Variants in ITPR2 observed in about 807,000 individuals in gnomAD.
ITPR2 encodes the protein inositol 1,4,5-trisphosphate receptor type 2, also known as inositol 1,4,5-trisphosphate-gated calcium channel ITPR2.
In ITPR2, 207 loss-of-function variants were observed where a neutral mutation model predicts 317.1. That is an observed-to-expected ratio of 0.65 (90% CI 0.58 to 0.73). ITPR2 has a LOEUF of 0.73. ITPR2 is among the 30% of genes least tolerant of loss of function. ITPR2 has a pLI of 0.00. For synonymous variants in ITPR2, 1,156 were observed against 1,149.1 expected, an observed-to-expected ratio of 1.01 and a Z score of -0.12; for missense variants, 2,613 against 3,284.0, an observed-to-expected ratio of 0.80 and a Z score of 4.99.
chr12:26,524,937 AT>A (rs1403102612), intron 37 of ITPR2, among the ~76,000 whole-genome samples: 1 of 152,236 alleles, frequency 6.6e-6, no homozygotes, highest in African/African-American at 2.4e-5. Flanking sequence ...AAAATTATTT[AT>A]AATTATGGAG....
At chr12:26,509,958 T>TTTTGTGTGTGTGTGTG (rs1247091708) in intron 37 of ITPR2, among the ~76,000 whole-genome samples, 3 of 53,262 alleles carry the variant, frequency 5.6e-5, no homozygotes, top group East Asian at 1.2e-3. Context: ...GATAAGGGTT[T>TTTTGTGTGTGTGTGTG]TGTGTGTGTG....
At chr12:26,760,373 C>T (rs186309720) in intron 2 of ITPR2, among the ~76,000 whole-genome samples, 94 of 152,180 alleles carry the variant, frequency 6.2e-4, no homozygotes, top group African/African-American at 2.1e-3. Context: ...TCTAAATAAA[C>T]CCAAGATGTC....
At chr12:26,545,384 G>A (rs1463454207) in intron 37 of ITPR2, among the ~76,000 whole-genome samples, 1 of 152,046 alleles carries the variant, frequency 6.6e-6, no homozygotes, top group African/African-American at 2.4e-5. Context: ...GGGAAGGGGG[G>A]CGGGAAATAG....
At chr12:26,428,811 T>A (rs1394785792) in intron 48 of ITPR2, among the ~76,000 whole-genome samples, 1 of 152,238 alleles carries the variant, frequency 6.6e-6, no homozygotes, top group Non-Finnish European at 1.5e-5. Flanking sequence ...ACATTTGCAC[T>A]GACATGTGCA....
chr12:26,830,963 A>G (rs1227134947), intron 1 of ITPR2, among the ~76,000 whole-genome samples: 1 of 152,190 alleles, frequency 6.6e-6, no homozygotes, highest in Non-Finnish European at 1.5e-5. Flanking sequence ...AGGGGCACAG[A>G]GTTTATGTAA....
chr12:26,575,878 C>A (rs1400051645), intron 34 of ITPR2, among the ~76,000 whole-genome samples: 2 of 152,278 alleles, frequency 1.3e-5, no homozygotes, highest in Middle Eastern at 3.4e-3. Flanking sequence ...GCTCCAAGTT[C>A]TTTTTCTCTC....
rs1948893102 is a variant in ITPR2, at chr12:26,724,807, G to C, written c.280-65C>G. ...TAAACAGAGTGTAATAACTGACAAA[G>C]AAATTTTTTTTAGGAACAAGACTAT... On this transcript the variant is annotated intron_variant, in intron 3 of 56. Transcript: ENST00000381340. The C allele has an allele frequency of 3.4e-6, 4 of 1,173,604 alleles. No homozygotes were observed. The Admixed American group carries it at 9.1e-5, about 27-fold the overall frequency. 72.7% of individuals were successfully genotyped at this position (1,173,604 alleles called of 1,614,324 possible).
intron 1 of ITPR2, among the ~76,000 whole-genome samples, chr12:26,822,910 T>C (rs1950959892): frequency 6.6e-6 from 1 of 152,224 alleles, no homozygotes; most frequent in Non-Finnish European, 1.5e-5. Context: ...TATTGAATTG[T>C]TTGCTTTAGT....
At chr12:26,441,574 T>G (rs1941488775) in intron 46 of ITPR2, among the ~76,000 whole-genome samples, 1 of 152,138 alleles carries the variant, frequency 6.6e-6, no homozygotes, top group Non-Finnish European at 1.5e-5. Context: ...GAGGAAGGAC[T>G]CTCTGAGTAG....
rs528599072 is a variant in ITPR2 at position 26,752,565 on chromosome 12, G to A, written c.164-26800C>T. 5.3e-5 allele frequency among the ~76,000 whole-genome samples: 8 copies of A among 152,260 alleles called. No individual in the cohort carries two copies. In the South Asian group the frequency reaches 1.5e-3, roughly 28 times the overall value. On this transcript the variant is annotated intron_variant, in intron 2 of 56. Transcript: ENST00000381340. ...TACCCTATATGGTCTAAAAAGGGGA[G>A]GCATGAATAATCCACTCGTTGTTTA...
At chr12:26,629,378 C>T (rs1946693693) in intron 22 of ITPR2, among the ~76,000 whole-genome samples, 1 of 152,048 alleles carries the variant, frequency 6.6e-6, no homozygotes, top group South Asian at 2.1e-4. Context: ...CTTGACCTCA[C>T]GAATTCAAGA....
chr12:26,352,431 C>T (rs985335349), intron 55 of ITPR2, among the ~76,000 whole-genome samples: 7 of 152,248 alleles, frequency 4.6e-5, no homozygotes, highest in African/African-American at 1.7e-4. Context: ...TCTGCTCATA[C>T]TGAGTCTGGT....
chr12:26,618,226 A>G (rs538548481), intron 26 of ITPR2, among the ~76,000 whole-genome samples: 60 of 152,272 alleles, frequency 3.9e-4, no homozygotes, highest in Admixed American at 3.5e-3. Context: ...TTTACCTTGT[A>G]CTTGAAAATA....
chr12:26,337,238 G>C lies in ITPR2; in HGVS notation c.*2159C>G, dbSNP rs1365776715. On this transcript the variant is annotated 3_prime_UTR_variant, in exon 57 of 57. Coordinates refer to ENST00000381340, the MANE Select transcript of ITPR2 (RefSeq NM_002223.4). ...TATTCCCTACAAAATGAACTATTAT[G>C]GTGTCAGAAAAGGCTAGATACTTTA... 3 of 152,110 alleles carry C rather than the reference G, an allele frequency of 2.0e-5. No individual in the cohort carries two copies. In the East Asian group the frequency reaches 5.8e-4, roughly 29 times the overall value. 9.4% of individuals were successfully genotyped at this position (152,110 alleles called of 1,614,324 possible). A position where few individuals can be genotyped will look rare whatever the true frequency, so the allele number is the denominator to read the frequency against.
chr12:26,519,888 T>C (rs1943618861), intron 37 of ITPR2, among the ~76,000 whole-genome samples: 1 of 152,116 alleles, frequency 6.6e-6, no homozygotes, highest in African/African-American at 2.4e-5. Context: ...AGGTGTGAAA[T>C]AGTGGTATGA....
At chr12:26,738,273 G>C (rs757739137) in intron 2 of ITPR2, among the ~76,000 whole-genome samples, 16 of 152,168 alleles carry the variant, frequency 1.1e-4, no homozygotes, top group Non-Finnish European at 2.2e-4. Flanking sequence ...ACTAAAGATA[G>C]AAAGGACATA....
intron 21 of ITPR2, among the ~76,000 whole-genome samples, chr12:26,642,773 A>C (rs994615523): frequency 6.6e-6 from 1 of 152,194 alleles, no homozygotes; most frequent in African/African-American, 2.4e-5. Flanking sequence ...GGACCAAGAC[A>C]AGATCTTAGT....
intron 1 of ITPR2, among the ~76,000 whole-genome samples, chr12:26,814,533 G>T (rs1950815799): frequency 6.6e-6 from 1 of 152,048 alleles, no homozygotes; most frequent in African/African-American, 2.4e-5. Flanking sequence ...CCACCACCAG[G>T]TACTCCAGAA....
intron 55 of ITPR2, among the ~76,000 whole-genome samples, chr12:26,386,456 A>ATT: frequency 6.6e-6 from 1 of 152,342 alleles, no homozygotes; most frequent in African/African-American, 2.4e-5. Context: ...ATGAACTTAT[A>ATT]ATTATTAATA....
Sources: allele counts gnomAD v4.1 joint callset (sites outside exome capture counted in the v4.1 genomes callset), GRCh38; gene constraint gnomAD v4.1.1; transcripts MANE v1.5; gene names NCBI Gene and HGNC (gene_info 2026-07-23, HGNC 2026-07-21).